Variants in GRIN2D observed in about 807,000 individuals in gnomAD.
GRIN2D encodes the protein glutamate ionotropic receptor NMDA type subunit 2D.
In GRIN2D, 37 loss-of-function variants were observed where a neutral mutation model predicts 103.2. That is an observed-to-expected ratio of 0.36 (90% CI 0.28 to 0.47). The LOEUF (loss-of-function observed/expected upper bound fraction) is 0.47. Among genes scored for constraint, GRIN2D ranks in the 20% least tolerant of loss-of-function variants. The probability of loss-of-function intolerance (pLI) is 1.00; values close to 1 mark genes in which losing one functional copy is unlikely to be tolerated. For synonymous variants in GRIN2D, 845 were observed against 885.6 expected, an observed-to-expected ratio of 0.95 and a Z score of 0.81; for missense variants, 1,557 against 1,910.6, an observed-to-expected ratio of 0.81 and a Z score of 3.45.
Position 48,421,154 on chromosome 19 carries a change from C to T in GRIN2D, c.2092-631C>T, listed in dbSNP as rs1005148643. Among the ~76,000 whole-genome samples the T allele has an allele frequency of 6.1e-4, 93 of 151,972 alleles. 1 individual carries two copies. Among genetic ancestry groups the T allele is most frequent in the African/African-American group, 2.1e-3 (86 of 41,370 alleles). On this transcript the variant is annotated intron_variant, in intron 10 of 13. Transcript: ENST00000263269. The surrounding 1 kb of genome is among the most constrained non-coding windows in gnomAD (Gnocchi z 4.8). ...ACAAAACTTGTTTTAGTTGTCTGGG[C>T]GCGGTGGCTTATGCCTGTAATCCCA...
At chr19:48,440,578 G>T (rs1971279254) in intron 11 of GRIN2D, among the ~76,000 whole-genome samples, 2 of 152,302 alleles carry the variant, frequency 1.3e-5, no homozygotes, top group African/African-American at 4.8e-5. Flanking sequence ...GGGCAACATA[G>T]TGAGACCTCG....
chr19:48,404,813 A>G lies in GRIN2D; in HGVS notation c.545A>G (p.Tyr182Cys), dbSNP rs1970763053. The G allele has an allele frequency of 6.2e-7, 1 of 1,613,972 alleles. No individual in the cohort carries two copies. The highest frequency in any genetic ancestry group is 1.7e-5 in the Admixed American group (1 of 59,996). ...LQVIFEVLEE[Y>C]DWTSFVAVTT... is the part of the protein sequence containing the mutation. ...GTCATCTTTGAGGTGCTGGAGGAGT[A>G]TGACTGGACGTCCTTTGTAGCCGTG... The change falls in exon 4 of 14, where the codon TAT becomes TGT. Residue 182 changes from tyrosine to cysteine, a missense_variant. Tyr to Cys is a radical substitution (Grantham distance 194). This residue lies in a region of GRIN2D where 490 missense variants were observed against 601.1 expected (regional missense o/e 0.82). Transcript: ENST00000263269.
chr19:48,433,724 G>A (rs949633956), intron 11 of GRIN2D, among the ~76,000 whole-genome samples: 3 of 152,220 alleles, frequency 2.0e-5, no homozygotes, highest in African/African-American at 7.2e-5. Flanking sequence ...TTTCCGTAAT[G>A]TAAGCATTAT....
At chr19:48,413,894 G>A (rs974744792) in intron 4 of GRIN2D, 97 bp from the exon 5 acceptor site, 6 of 726,026 alleles carry the variant, frequency 8.3e-6, no homozygotes, top group Non-Finnish European at 1.3e-5. Flanking sequence ...TCCAGCTGGG[G>A]GCTGGGGCTG....
intron 11 of GRIN2D, among the ~76,000 whole-genome samples, chr19:48,429,059 C>T (rs1971123613): frequency 6.6e-6 from 1 of 152,196 alleles, no homozygotes; most frequent in Admixed American, 6.6e-5. Flanking sequence ...ACAAAGGACA[C>T]CCCTGTGTTT....
intron 11 of GRIN2D, among the ~76,000 whole-genome samples, chr19:48,434,262 ATTTTC>A (rs372853423): frequency 6.9e-5 from 9 of 129,906 alleles, no homozygotes; most frequent in African/African-American, 2.1e-4. Flanking sequence ...CGCTTCTTCT[ATTTTC>A]TTTTGAGATG....
At position 48,413,661 on chromosome 19, in the gene GRIN2D, C is replaced by CAAA. The variant is rs11368422; in HGVS notation, c.1086-311_1086-309dup. Among the ~76,000 whole-genome samples the CAAA allele has an allele frequency of 1.7e-3, 94 of 56,474 alleles. 1 individual carries two copies. The highest frequency in any genetic ancestry group is 3.1e-3 in the South Asian group (4 of 1,280). The allele number at this position is 56,474 out of a possible 152,430, so 37.0% of individuals were successfully genotyped here. On this transcript the variant is annotated intron_variant, in intron 4 of 13. Coordinates refer to ENST00000263269, the MANE Select transcript of GRIN2D (RefSeq NM_000836.4). Reference sequence around the variant, plus strand: ...TGGGAGACAGAGCAAGACTCTGTCTCAAAAAAAAAAAAAAAAAAAAAGACC... The same window carrying CAAA: ...TGGGAGACAGAGCAAGACTCTGTCTCAAAAAAAAAAAAAAAAAAAAAAAAGACC...
intron 11 of GRIN2D, among the ~76,000 whole-genome samples, chr19:48,434,854 T>A (rs964087334): frequency 1.3e-5 from 2 of 152,192 alleles, no homozygotes; most frequent in Non-Finnish European, 2.9e-5. Flanking sequence ...GTGCTGGGAT[T>A]ATAGGCATGA....
At chr19:48,437,293 A>G (rs1971243945) in intron 11 of GRIN2D, among the ~76,000 whole-genome samples, 1 of 151,874 alleles carries the variant, frequency 6.6e-6, no homozygotes, top group South Asian at 2.1e-4. Context: ...GCTAATTTTT[A>G]AAGTTTTTGT....
Position 48,421,865 on chromosome 19 carries a change from CA to C in GRIN2D, c.2174del (p.Asn725ThrfsTer17). 1 of 1,614,108 alleles carries C rather than the reference CA, an allele frequency of 6.2e-7. No individual in the cohort carries two copies. The highest frequency in any genetic ancestry group is 8.5e-7 in the Non-Finnish European group (1 of 1,179,982). Reference protein sequence around the residue: ...NGSTEKNIRSNYPDMHSYMVR... With the variant: ...NGSTEKNIRSXYPDMHSYMVR... ...GCTCCACGGAGAAGAACATCCGCAG[CA>C]ACTATCCCGACATGCACAGCTACAT... On this transcript the variant is annotated frameshift_variant, in exon 11 of 14. Transcript: ENST00000263269. LOFTEE classifies it high-confidence loss of function. The surrounding 1 kb of genome is among the most constrained non-coding windows in gnomAD (Gnocchi z 4.8).
intron 10 of GRIN2D, 65 bp downstream of exon 10, chr19:48,419,879 G>A: frequency 1.5e-6 from 1 of 684,204 alleles, no homozygotes; most frequent in Non-Finnish European, 2.3e-6. Context: ...AGCTTGTCAT[G>A]TGGTAGATTA....
At chr19:48,410,383 C>A (rs998920604) in intron 4 of GRIN2D, among the ~76,000 whole-genome samples, 3 of 151,652 alleles carry the variant, frequency 2.0e-5, no homozygotes, top group Non-Finnish European at 2.9e-5. Context: ...CACAAATTAG[C>A]TGGACATGGT....
intron 3 of GRIN2D, among the ~76,000 whole-genome samples, chr19:48,401,032 G>T (rs1569058559): frequency 6.6e-6 from 1 of 150,456 alleles, no homozygotes; most frequent in Non-Finnish European, 1.5e-5. Flanking sequence ...GCAGTGAGCC[G>T]AGATCTTGCC....
intron 11 of GRIN2D, among the ~76,000 whole-genome samples, chr19:48,436,696 C>A (rs1971236243): frequency 6.6e-6 from 1 of 152,196 alleles, no homozygotes; most frequent in Non-Finnish European, 1.5e-5. Context: ...AAGATGGAGT[C>A]AGTCAGGCAA....
chr19:48,432,751 G>A (rs1410665066), intron 11 of GRIN2D, among the ~76,000 whole-genome samples: 1 of 150,986 alleles, frequency 6.6e-6, no homozygotes, highest in Non-Finnish European at 1.5e-5. Context: ...GAGGCACCAT[G>A]CCTGGCCAGA....
chr19:48,398,934 C>A lies in GRIN2D; in HGVS notation c.465+77C>A, dbSNP rs1600967736. 9.6e-5 allele frequency: 8 copies of A among 83,666 alleles called. No homozygotes were observed. In the East Asian group the frequency reaches 1.0e-3, roughly 10 times the overall value. 5.2% of individuals were successfully genotyped at this position (83,666 alleles called of 1,614,324 possible). On this transcript the variant is annotated intron_variant, in intron 3 of 13. Transcript: ENST00000263269. ...TGAGGGGCGGGACTGGGACAGCCAG[C>A]GGGGGCGGGGCCTAGAGGGGGCGGG...
At position 48,416,010 on chromosome 19, in the gene GRIN2D, C is replaced by T. The variant is rs202239733; in HGVS notation, c.1590C>T (p.Tyr530=). Residue 530 remains tyrosine, a synonymous_variant, in exon 8 of 14, where the codon TAC becomes TAT. Coordinates refer to ENST00000263269, the MANE Select transcript of GRIN2D (RefSeq NM_000836.4). Reference sequence around the variant, plus strand: ...CATCGCCCCCACCCCAGGTGTTCTACCAGCGCGCAGACATGGCCATCGGCT... The same window carrying T: ...CATCGCCCCCACCCCAGGTGTTCTATCAGCGCGCAGACATGGCCATCGGCT... The part of the protein sequence containing the change: ...VWNGMIGEVF[Y]QRADMAIGSL... The T allele has an allele frequency of 1.9e-6, 3 of 1,613,472 alleles. No individual in the cohort carries two copies. Among genetic ancestry groups the T allele is most frequent in the Middle Eastern group, 1.7e-4 (1 of 5,990 alleles).
In GRIN2D at chr19:48,398,716, G is replaced by C. The variant is rs553233004; in HGVS notation, c.324G>C (p.Ser108=). Residue 108 remains serine, a synonymous_variant, in exon 3 of 14, where the codon TCG becomes TCC. Transcript: ENST00000263269. ...TGCTGCAGCTCTGCGACCTGCTGTC[G>C]GGGTTGCGCGTGCACGGCGTGGTCT... The part of the protein sequence containing the change: ...SLVLQLCDLL[S]GLRVHGVVFE... The C allele has an allele frequency of 6.8e-7, 1 of 1,467,786 alleles. No individual in the cohort carries two copies. Among genetic ancestry groups the C allele is most frequent in the South Asian group, 1.3e-5 (1 of 77,588 alleles). The allele number at this position is 1,467,786 out of a possible 1,614,324, so 90.9% of individuals were successfully genotyped here.
chr19:48,416,559 G>C (rs925357937), intron 8 of GRIN2D, among the ~76,000 whole-genome samples: 6 of 152,104 alleles, frequency 3.9e-5, no homozygotes, highest in African/African-American at 1.4e-4. Context: ...AAATTAGCAT[G>C]GTACCAATAC....
Sources: gnomAD v4.1 joint callset for allele counts (sites outside exome capture counted in the v4.1 genomes callset) on GRCh38, gnomAD v4.1.1 for gene constraint, gnomAD v4.1.1 regional missense constraint, Gnocchi (gnomAD v3.1) non-coding constraint, MANE v1.5 for transcripts, NCBI Gene and HGNC (gene_info 2026-07-23, HGNC 2026-07-21) for gene names.